Variants in COL22A1 observed in about 807,000 individuals in gnomAD.
COL22A1 encodes collagen alpha-1(XXII) chain.
Under a neutral mutation model 248.9 loss-of-function variants are expected in COL22A1, and 221 were observed. The observed-to-expected ratio is 0.89, with a 90% confidence interval of 0.80 to 0.99. COL22A1 has a LOEUF of 0.99. Among genes scored for constraint, COL22A1 ranks in the 50% least tolerant of loss-of-function variants. COL22A1 has a pLI of 0.00. For synonymous variants in COL22A1, 891 were observed against 793.4 expected, an observed-to-expected ratio of 1.12 and a Z score of -2.07; for missense variants, 2,240 against 2,179.0, an observed-to-expected ratio of 1.03 and a Z score of -0.56.
chr8:138,670,187 T>C (rs1182408229), intron 41 of COL22A1, among the ~76,000 whole-genome samples: 1 of 152,112 alleles, frequency 6.6e-6, no homozygotes, highest in African/African-American at 2.4e-5. Flanking sequence ...CACCTGGCCA[T>C]TCTGAGACTT....
intron 41 of COL22A1, among the ~76,000 whole-genome samples, chr8:138,669,876 C>T (rs13260810): frequency 0.52 from 78,161 of 149,462 alleles, 23,593 homozygotes; most frequent in East Asian, 0.69. Flanking sequence ...ACAGAAGAAA[C>T]TCCTAAGACT....
chr8:138,771,153 C>A (rs1219825847), intron 16 of COL22A1, among the ~76,000 whole-genome samples: 1 of 152,222 alleles, frequency 6.6e-6, no homozygotes, highest in Non-Finnish European at 1.5e-5. Flanking sequence ...CTGGTGCAGG[C>A]TGCAGGGACT....
At chr8:138,886,733 C>G (rs1015073575) in intron 1 of COL22A1, among the ~76,000 whole-genome samples, 2 of 152,142 alleles carry the variant, frequency 1.3e-5, no homozygotes, top group Non-Finnish European at 2.9e-5. Context: ...TTATTGGATC[C>G]TCACGTTCAT....
At chr8:138,729,495 A>G (rs1217245658) in intron 23 of COL22A1, among the ~76,000 whole-genome samples, 1 of 152,216 alleles carries the variant, frequency 6.6e-6, no homozygotes, top group Non-Finnish European at 1.5e-5. Flanking sequence ...AAAGAGAGGG[A>G]AAGCCTACCC....
rs759469460 is a variant in COL22A1, at chr8:138,594,074, G to A, written c.4558C>T (p.Pro1520Ser). 1 of 1,589,912 alleles carries A rather than the reference G, an allele frequency of 6.3e-7. No homozygotes were observed. The highest frequency in any genetic ancestry group is 1.1e-5 in the South Asian group (1 of 88,414). Reference protein sequence around the residue: ...LPGRAGPMGEPGRPGQGGLEG... With the variant: ...LPGRAGPMGESGRPGQGGLEG... Reference sequence around the variant, plus strand: ...AGACCCCCCTGCCCAGGACGACCTGGCTCCCCCATGGGGCCGGCCCGGCCT... The same window carrying A: ...AGACCCCCCTGCCCAGGACGACCTGACTCCCCCATGGGGCCGGCCCGGCCT... The change falls in exon 63 of 65, where the codon CCA (proline) becomes TCA (serine). Residue 1520 changes from proline (P) to serine (S), a missense_variant. Pro to Ser is a moderately conservative substitution (Grantham distance 74). Transcript: ENST00000303045.
chr8:138,846,393 A>G (rs1354852345), intron 3 of COL22A1, among the ~76,000 whole-genome samples: 4 of 152,160 alleles, frequency 2.6e-5, no homozygotes, highest in African/African-American at 9.7e-5. Context: ...ATCTCTGCAA[A>G]TTTCCCAAGG....
At chr8:138,645,024 A>T (rs2130491079) in intron 47 of COL22A1, among the ~76,000 whole-genome samples, 1 of 152,292 alleles carries the variant, frequency 6.6e-6, no homozygotes, top group East Asian at 1.9e-4. Context: ...GCAACACAAT[A>T]AGCCTCAGCA....
intron 1 of COL22A1, among the ~76,000 whole-genome samples, chr8:138,893,306 C>G (rs549863290): frequency 6.6e-6 from 1 of 152,336 alleles, no homozygotes; most frequent in East Asian, 1.9e-4. Flanking sequence ...TCCCTGTGTT[C>G]AAATTCCAAT....
intron 1 of COL22A1, among the ~76,000 whole-genome samples, chr8:138,896,878 C>T (rs916074140): frequency 3.3e-5 from 5 of 151,928 alleles, no homozygotes; most frequent in African/African-American, 1.2e-4. Flanking sequence ...GGGGCTGAGG[C>T]AGGAGAATCA....
intron 18 of COL22A1, among the ~76,000 whole-genome samples, chr8:138,759,556 C>A (rs575542978): frequency 6.6e-6 from 1 of 152,354 alleles, no homozygotes; most frequent in East Asian, 1.9e-4. Context: ...CAGAATACAA[C>A]ATCACACCTT....
At chr8:138,731,685 G>C (rs1342696751) in intron 23 of COL22A1, among the ~76,000 whole-genome samples, 1 of 152,138 alleles carries the variant, frequency 6.6e-6, no homozygotes, top group South Asian at 2.1e-4. Flanking sequence ...GGGTAACTGT[G>C]AATGTAAACA....
At chr8:138,840,811 T>C (rs1820827056) in intron 4 of COL22A1, among the ~76,000 whole-genome samples, 1 of 152,116 alleles carries the variant, frequency 6.6e-6, no homozygotes, top group Non-Finnish European at 1.5e-5. Flanking sequence ...GGGGTTTCAC[T>C]ATGTTGCCCA....
chr8:138,657,186 CA>C (rs58645459), intron 44 of COL22A1, among the ~76,000 whole-genome samples: 3,434 of 152,318 alleles, frequency 0.023, 61 homozygotes, highest in Middle Eastern at 0.048. Context: ...ACTTAGGATG[CA>C]GCGGCTAAAG....
chr8:138,596,831 C>G, intron 62 of COL22A1, 73 bp downstream of exon 62: 1 of 1,387,070 alleles, frequency 7.2e-7, no homozygotes, highest in African/African-American at 1.4e-5. Flanking sequence ...GATGCAAAAG[C>G]ATTCAAGGCT....
At chr8:138,713,164 C>T (rs973780298) in intron 30 of COL22A1, among the ~76,000 whole-genome samples, 8 of 152,088 alleles carry the variant, frequency 5.3e-5, no homozygotes, top group Admixed American at 1.3e-4. Flanking sequence ...AAGAGCCCTT[C>T]GACTGACGAA....
In COL22A1 at chr8:138,655,918, C is replaced by G; in HGVS notation, c.3312G>C (p.Gly1104=). ...TTACCTTAGCCAAGAGATTTATGTC[C>G]CCTGGAGACAGTAGTGAAGAGAGGC... The part of the protein sequence containing the change: ...KPGLSSLLSP[G]DINLLAKDVC... The change falls in exon 45 of 65, where the codon GGG becomes GGC. Residue 1104 remains glycine, a synonymous_variant. Coordinates refer to ENST00000303045, the MANE Select transcript of COL22A1 (RefSeq NM_152888.3). 1 of 1,612,750 alleles carries G rather than the reference C, an allele frequency of 6.2e-7. No homozygotes were observed.
At chr8:138,895,858 C>T (rs1586988494) in intron 1 of COL22A1, among the ~76,000 whole-genome samples, 1 of 152,170 alleles carries the variant, frequency 6.6e-6, no homozygotes, top group African/African-American at 2.4e-5. Context: ...TTAAATACAT[C>T]ATAATCAAAC....
intron 23 of COL22A1, among the ~76,000 whole-genome samples, chr8:138,735,956 T>C (rs1044464707): frequency 8.6e-5 from 13 of 152,034 alleles, no homozygotes; most frequent in African/African-American, 2.7e-4. Flanking sequence ...CAGTCCCGAG[T>C]GGTGCTGAAG....
At chr8:138,830,190 C>G (rs969461169) in intron 5 of COL22A1, among the ~76,000 whole-genome samples, 1 of 152,198 alleles carries the variant, frequency 6.6e-6, no homozygotes, top group Non-Finnish European at 1.5e-5. Context: ...GCCTCTGCTT[C>G]TTCTGACCTG....
Sources: allele counts gnomAD v4.1 joint callset (sites outside exome capture counted in the v4.1 genomes callset), GRCh38; gene constraint gnomAD v4.1.1; transcripts MANE v1.5; gene names NCBI Gene and HGNC (gene_info 2026-07-23, HGNC 2026-07-21).